The following JMJD1C variants were observed in gnomAD, a reference collection of about 807,000 sequenced individuals.
The protein encoded by JMJD1C is jumonji domain-containing protein 1C.
A neutral mutation model predicts 245.3 loss-of-function variants in JMJD1C; 31 were observed. The ratio of observed to expected loss-of-function variants is 0.13; its 90% CI spans 0.09 to 0.17. The LOEUF (loss-of-function observed/expected upper bound fraction) is 0.17. Among genes scored for constraint, JMJD1C ranks in the 10% least tolerant of loss-of-function variants. JMJD1C has a pLI of 1.00. For missense variants in JMJD1C, 2,691 were observed against 3,000.2 expected (o/e 0.90, Z 2.41); for synonymous variants, 1,057 against 1,017.4 (o/e 1.04, Z -0.74).
In JMJD1C at chr10:63,206,890, A is replaced by G; in HGVS notation, c.4779T>C (p.Asp1593=). 1 of 1,609,752 alleles carries G rather than the reference A, an allele frequency of 6.2e-7. No individual in the cohort carries two copies. Among genetic ancestry groups the G allele is most frequent in the South Asian group, 1.1e-5 (1 of 90,490 alleles). Residue 1593 remains aspartate (D), a synonymous_variant, in exon 10 of 26, where the codon GAT becomes GAC. Transcript: ENST00000399262. ...SVNLIASTSS[D]IQNSVDSKII... ...TCTTACTATCTACACTATTTTGTATATCACTAGATGTAGAGGCTATTAAGT... is the reference window on the plus strand; with the variant it reads ...TCTTACTATCTACACTATTTTGTATGTCACTAGATGTAGAGGCTATTAAGT...
chr10:63,217,474 T>A (rs1423013740), intron 4 of JMJD1C, 143 bp from the exon 5 acceptor site: 3 of 596,988 alleles, frequency 5.0e-6, no homozygotes, highest in East Asian at 6.0e-5. Context: ...GAAGTAAATA[T>A]CCTTTCAAAT....
chr10:63,278,127 T>C (rs1856999933), intron 2 of JMJD1C, among the ~76,000 whole-genome samples: 3 of 152,034 alleles, frequency 2.0e-5, no homozygotes, highest in Admixed American at 2.0e-4. Flanking sequence ...CAAGACAACC[T>C]ACAATAGGTA....
chr10:63,449,295 T>C (rs891638053), intron 1 of JMJD1C, among the ~76,000 whole-genome samples: 9 of 152,046 alleles, frequency 5.9e-5, no homozygotes, highest in Non-Finnish European at 1.0e-4. Flanking sequence ...TTCTGTAAAA[T>C]AAATATTATA....
At chr10:63,433,412 T>A (rs1383057543) in intron 1 of JMJD1C, among the ~76,000 whole-genome samples, 6 of 151,988 alleles carry the variant, frequency 3.9e-5, no homozygotes, top group Non-Finnish European at 7.4e-5. Flanking sequence ...AGTTATTTAT[T>A]TATTTAGATA....
At chr10:63,409,017 G>GT (rs1949336859) in intron 1 of JMJD1C, among the ~76,000 whole-genome samples, 1 of 152,126 alleles carries the variant, frequency 6.6e-6, no homozygotes, top group African/African-American at 2.4e-5. Context: ...CAAAAAAATA[G>GT]TATTTTCCAA....
At position 63,168,056 on chromosome 10, in the gene JMJD1C, C is replaced by T; in HGVS notation, c.7612G>A (p.Glu2538Lys). 6.3e-7 allele frequency: 1 copy of T among 1,576,214 alleles called. No homozygotes were observed. Among genetic ancestry groups the T allele is most frequent in the South Asian group, 1.1e-5 (1 of 90,196 alleles). The change falls in exon 26 of 26, where the codon GAA becomes AAA. Residue 2538 changes from glutamate to lysine, a missense_variant. Physicochemically the swap from Glu to Lys is moderately conservative, Grantham distance 56 (BLOSUM62 1). Around this residue, in one of 9 missense-constraint regions of JMJD1C, gnomAD observed 27 missense variants for 18.4 expected, o/e 1.47. Coordinates refer to ENST00000399262, the MANE Select transcript of JMJD1C (RefSeq NM_032776.3). ...AAACTGGATCACACTTAATTTTCTT[C>T]CATATCCTCTACTTCATCCTCGTGT... Reference protein sequence around the residue: ...KIHEDEVEDMEEN With the variant: ...KIHEDEVEDMKEN
At chr10:63,488,381 T>C (rs1246140155) in intron 1 of JMJD1C, among the ~76,000 whole-genome samples, 1 of 152,238 alleles carries the variant, frequency 6.6e-6, no homozygotes, top group Non-Finnish European at 1.5e-5. Context: ...CTACCTTTCT[T>C]AGATTAAGAC....
intron 1 of JMJD1C, among the ~76,000 whole-genome samples, chr10:63,389,944 G>A (rs1378115172): frequency 6.6e-6 from 1 of 152,084 alleles, no homozygotes; most frequent in Non-Finnish European, 1.5e-5. Context: ...AAAAGTAACA[G>A]AATTTCAAAT....
chr10:63,316,115 T>A (rs1940015588), intron 2 of JMJD1C, among the ~76,000 whole-genome samples: 2 of 152,158 alleles, frequency 1.3e-5, no homozygotes, highest in African/African-American at 4.8e-5. Context: ...GAAGCTGCAG[T>A]GAGCTATGGT....
intron 3 of JMJD1C, among the ~76,000 whole-genome samples, chr10:63,251,967 C>T (rs1315717747): frequency 2.6e-5 from 4 of 152,240 alleles, no homozygotes; most frequent in Admixed American, 6.5e-5. Context: ...GAGACAAGAT[C>T]GTGCCACTGC....
chr10:63,348,751 G>A (rs886293906), intron 2 of JMJD1C, among the ~76,000 whole-genome samples: 1 of 152,072 alleles, frequency 6.6e-6, no homozygotes, highest in Non-Finnish European at 1.5e-5. Flanking sequence ...TGAATGGCTT[G>A]GTGTCCTTTT....
At chr10:63,217,086 T>C in intron 5 of JMJD1C, 121 bp downstream of exon 5, 1 of 870,320 alleles carries the variant, frequency 1.1e-6, no homozygotes, top group East Asian at 2.5e-5. Context: ...CTTACTAGAA[T>C]TACACGACTA....
chr10:63,184,555 T>G, intron 21 of JMJD1C, 53 bp downstream of exon 21: 2 of 1,524,162 alleles, frequency 1.3e-6, no homozygotes, highest in Non-Finnish European at 8.8e-7. Flanking sequence ...GAGCAAAAAT[T>G]TTAAAAAATC....
At position 63,193,093 on chromosome 10, in the gene JMJD1C, T is replaced by C. The variant is rs779171321; in HGVS notation, c.5921A>G (p.Gln1974Arg). 3 of 1,614,122 alleles carry C rather than the reference T, an allele frequency of 1.9e-6. No homozygotes were observed. The highest frequency in any genetic ancestry group is 2.5e-6 in the Non-Finnish European group (3 of 1,180,020). ...NKISLCMPES[Q>R]QQNTPPKSEK... ...AGACTTCGGAGGAGTATTTTGCTGCTGAGACTCAGGCATGCACAGAGAAAT... is the reference window on the plus strand; with the variant it reads ...AGACTTCGGAGGAGTATTTTGCTGCCGAGACTCAGGCATGCACAGAGAAAT... The change falls in exon 16 of 26, where the codon CAG becomes CGG. Residue 1974 changes from glutamine to arginine, a missense_variant. By Grantham distance (43) the Gln-to-Arg change is conservative. This residue lies in a region of JMJD1C where 275 missense variants were observed against 285.5 expected (regional missense o/e 0.96). Coordinates refer to ENST00000399262, the MANE Select transcript of JMJD1C (RefSeq NM_032776.3).
chr10:63,396,670 C>T (rs1049340057), intron 1 of JMJD1C, among the ~76,000 whole-genome samples: 1 of 152,040 alleles, frequency 6.6e-6, no homozygotes, highest in Admixed American at 6.6e-5. Flanking sequence ...ATCTTATTTA[C>T]AAGCTCAGAA....
rs60943381 is a variant in JMJD1C, at chr10:63,482,754, G to C, written n.113+38984C>G. Among the ~76,000 whole-genome samples the C allele has an allele frequency of 3.4e-3, 516 of 152,262 alleles. 3 individuals are homozygous for C. Among genetic ancestry groups the C allele is most frequent in the African/African-American group, 0.011 (474 of 41,556 alleles). ...ACCATGCAAATCACTTGATCTCTCT[G>C]TGCTTTCTTATCTATGAAATGGGAA... On this transcript the variant is annotated intron_variant and non_coding_transcript_variant, in intron 1 of 3. Transcript: ENST00000633035.
chr10:63,470,473 G>A (rs1018580313), upstream of JMJD1C, among the ~76,000 whole-genome samples: 5 of 152,062 alleles, frequency 3.3e-5, no homozygotes, highest in African/African-American at 9.7e-5. Flanking sequence ...TGCTTCAGTA[G>A]AAAAGCAAGG....
chr10:63,212,542 C>T (rs1206495868), intron 8 of JMJD1C, among the ~76,000 whole-genome samples: 1 of 151,918 alleles, frequency 6.6e-6, no homozygotes, highest in Admixed American at 6.6e-5. Flanking sequence ...TGAACAAGAG[C>T]CTTATACCGC....
intron 13 of JMJD1C, chr10:63,194,625 T>C (rs565469913): frequency 1.7e-4 from 62 of 375,470 alleles, no homozygotes; most frequent in Non-Finnish European, 2.5e-4. Flanking sequence ...AAAATGGATA[T>C]AATGATAGCC....
Sources: allele counts gnomAD v4.1 joint callset (sites outside exome capture counted in the v4.1 genomes callset), GRCh38; gene constraint gnomAD v4.1.1; regional missense constraint gnomAD v4.1.1; transcripts MANE v1.5; gene names NCBI Gene and HGNC (gene_info 2026-07-23, HGNC 2026-07-21).